Variants in TMEM150C observed in about 807,000 individuals in gnomAD.
The protein encoded by TMEM150C is transmembrane protein 150C.
Under a neutral mutation model 29.9 loss-of-function variants are expected in TMEM150C, and 10 were observed. That is an observed-to-expected ratio of 0.33 (90% CI 0.21 to 0.57). TMEM150C has a LOEUF of 0.57. Ranked by LOEUF, TMEM150C falls within the 20% of genes least tolerant of loss-of-function variation. The pLI, the probability that TMEM150C is intolerant of heterozygous loss-of-function variation, is 0.88. For synonymous variants in TMEM150C, 101 were observed against 112.5 expected (o/e 0.90, Z 0.64); for missense variants, 251 against 303.6 (o/e 0.83, Z 1.29).
At position 82,500,677 on chromosome 4, in the gene TMEM150C, A is replaced by G. The variant is rs990525387; in HGVS notation, c.235+2050T>C. Reference sequence around the variant, plus strand: ...CTTTGCTTTTGGAAATGCTTTTGTAATTAGTCAATCATAAGCCTTATAACT... The same window carrying G: ...CTTTGCTTTTGGAAATGCTTTTGTAGTTAGTCAATCATAAGCCTTATAACT... On this transcript the variant is annotated intron_variant, in intron 5 of 7. Coordinates refer to ENST00000449862, the MANE Select transcript of TMEM150C (RefSeq NM_001080506.3). Among the ~76,000 whole-genome samples, 8 of 152,236 alleles carry G rather than the reference A, an allele frequency of 5.3e-5. No individual in the cohort carries two copies. In the South Asian group the frequency reaches 1.4e-3, roughly 28 times the overall value.
intron 5 of TMEM150C, among the ~76,000 whole-genome samples, chr4:82,497,368 A>C (rs1315211695): frequency 1.3e-5 from 2 of 152,234 alleles, no homozygotes; most frequent in African/African-American, 4.8e-5. Context: ...TACAGCAATT[A>C]AGTTGGTAAT....
chr4:82,496,635 C>A lies in TMEM150C; in HGVS notation c.236-440G>T, dbSNP rs142530360. Among the ~76,000 whole-genome samples, 43 of 152,288 alleles carry A rather than the reference C, an allele frequency of 2.8e-4. No individual in the cohort carries two copies. The East Asian group carries it at 7.9e-3, about 28-fold the overall frequency. On this transcript the variant is annotated intron_variant, in intron 5 of 7. Coordinates refer to ENST00000449862, the MANE Select transcript of TMEM150C (RefSeq NM_001080506.3). ...CACAACAAATAAGATGGGATAAAGA[C>A]AGACCGACTCAGGCATCCTTTAGCT...
At chr4:82,515,233 G>A (rs557302544) in intron 1 of TMEM150C, among the ~76,000 whole-genome samples, 1 of 152,284 alleles carries the variant, frequency 6.6e-6, no homozygotes, top group African/African-American at 2.4e-5. Context: ...CAGGGAATGG[G>A]TTCCTCACTT....
chr4:82,485,777 T>G, intron 7 of TMEM150C, 58 bp from the exon 8 acceptor site: 1 of 1,473,074 alleles, frequency 6.8e-7, no homozygotes, highest in African/African-American at 1.4e-5. Context: ...CTGGAATCTT[T>G]TCAGGGCAGA....
intron 6 of TMEM150C, chr4:82,495,017 C>G: frequency 9.6e-7 from 1 of 1,036,544 alleles, no homozygotes; most frequent in Non-Finnish European, 1.4e-6. Context: ...GAGCAATAGG[C>G]TGCTGTTTGT....
At chr4:82,499,450 G>C (rs959258594) in intron 5 of TMEM150C, among the ~76,000 whole-genome samples, 1 of 151,978 alleles carries the variant, frequency 6.6e-6, no homozygotes, top group Non-Finnish European at 1.5e-5. Flanking sequence ...GGCCGGGCGC[G>C]GTGGCTCATG....
rs749263714 is a variant in TMEM150C at position 82,504,686 on chromosome 4, G to C, written c.-10-19C>G. The stretch of plus-strand genomic sequence containing the variant: ...TGTACCACTGAAATAAAATAAACAC[G>C]TATTAATAATTAAGGCAAAACATTT... On this transcript the variant is annotated intron_variant, in intron 1 of 7. Transcript: ENST00000449862. The C allele has an allele frequency of 6.3e-7, 1 of 1,583,562 alleles. No individual in the cohort carries two copies. The highest frequency in any genetic ancestry group is 1.7e-5 in the Admixed American group (1 of 59,210).
chr4:82,534,504 TA>T, intron 1 of TMEM150C, among the ~76,000 whole-genome samples: 1 of 152,312 alleles, frequency 6.6e-6, no homozygotes, highest in East Asian at 1.9e-4. Flanking sequence ...AAAACTTTGC[TA>T]AAAGATAAAA....
At chr4:82,491,158 C>T (rs1348479923) in intron 6 of TMEM150C, 4 of 701,240 alleles carry the variant, frequency 5.7e-6, no homozygotes, top group African/African-American at 1.7e-5. Context: ...TGTGCAATCA[C>T]CACCAGCTGA....
intron 7 of TMEM150C, among the ~76,000 whole-genome samples, chr4:82,488,354 G>C (rs184024662): frequency 5.8e-4 from 88 of 152,302 alleles, no homozygotes; most frequent in Non-Finnish European, 1.0e-3. Context: ...GATCCACCAC[G>C]CATTATCTGT....
chr4:82,530,784 G>A (rs1245650315), intron 1 of TMEM150C, among the ~76,000 whole-genome samples: 1 of 152,206 alleles, frequency 6.6e-6, no homozygotes, highest in East Asian at 1.9e-4. Context: ...TCTGCAGGCT[G>A]TACAGGAAGC....
At position 82,484,665 on chromosome 4, in the gene TMEM150C, G is replaced by C. The variant is rs1403153199; in HGVS notation, c.*846C>G. 6.6e-6 allele frequency: 1 copy of C among 152,158 alleles called. No homozygotes were observed. The highest frequency in any genetic ancestry group is 1.5e-5 in the Non-Finnish European group (1 of 68,034). 9.4% of individuals were successfully genotyped at this position (152,158 alleles called of 1,614,324 possible). A position where few individuals can be genotyped will look rare whatever the true frequency, so the allele number is the denominator to read the frequency against. ...TGAACCCAAAGCAAGCTCAGCTCTT[G>C]CATTTGGTCTACATCTTTGTCCATG... On this transcript the variant is annotated 3_prime_UTR_variant, in exon 8 of 8. Transcript: ENST00000449862.
At chr4:82,487,092 G>GA (rs201474285) in intron 7 of TMEM150C, among the ~76,000 whole-genome samples, 9 of 148,002 alleles carry the variant, frequency 6.1e-5, no homozygotes, top group East Asian at 5.9e-4. Context: ...GAGAACCAAA[G>GA]AAAAAAAAAA....
chr4:82,496,151 C>A lies in TMEM150C; in HGVS notation c.280G>T (p.Val94Phe). The change falls in exon 6 of 8, where the codon GTT becomes TTT. Residue 94 changes from valine (V) to phenylalanine (F), a missense_variant. By Grantham distance (50) the Val-to-Phe change is conservative (BLOSUM62 -1). Transcript: ENST00000449862. ...CTAATATTCAGCCACGGGTTTAAAA[C>A]CTTCGGTTTCAGTTGTATGAAGCGC... ...VLRFIQLKPKVLNPWLNISGL... is the reference protein window; with the variant it reads ...VLRFIQLKPKFLNPWLNISGL... 1.2e-6 allele frequency: 2 copies of A among 1,613,950 alleles called. No homozygotes were observed. Among genetic ancestry groups the A allele is most frequent in the Non-Finnish European group, 1.7e-6 (2 of 1,179,876 alleles).
chr4:82,500,940 G>A (rs1031477118), intron 5 of TMEM150C, among the ~76,000 whole-genome samples: 2 of 152,168 alleles, frequency 1.3e-5, no homozygotes, highest in African/African-American at 2.4e-5. Flanking sequence ...ATTGTTCCTG[G>A]AATAGAAATG....
At chr4:82,495,737 T>C (rs1235433024) in intron 6 of TMEM150C, 2 of 327,438 alleles carry the variant, frequency 6.1e-6, no homozygotes, top group East Asian at 1.4e-4. Context: ...TTCCCACCAC[T>C]GATTCGGACC....
rs202051449 is a variant in TMEM150C at position 82,483,788 on chromosome 4, C to CTTTTTTTT, written c.*1722_*1723insAAAAAAAA. ...TTGGGTTGAATTAAAAAACGTTTTT[C>CTTTTTTTT]TTTTTTTCTTTTTTTTTTGAGATGG... On this transcript the variant is annotated 3_prime_UTR_variant, in exon 8 of 8. Transcript: ENST00000449862. 1 of 138,088 alleles carries CTTTTTTTT rather than the reference C, an allele frequency of 7.2e-6. No homozygotes were observed. Among genetic ancestry groups the CTTTTTTTT allele is most frequent in the African/African-American group, 2.8e-5 (1 of 35,646 alleles). 8.6% of individuals were successfully genotyped at this position (138,088 alleles called of 1,614,324 possible). A position where few individuals can be genotyped will look rare whatever the true frequency, so the allele number is the denominator to read the frequency against.
chr4:82,557,945 C>A (rs1283144561), intron 1 of TMEM150C, among the ~76,000 whole-genome samples: 1 of 151,846 alleles, frequency 6.6e-6, no homozygotes, highest in African/African-American at 2.4e-5. Flanking sequence ...ATTGGCCGGG[C>A]TGGTCTCAAA....
intron 6 of TMEM150C, chr4:82,490,967 C>T: frequency 1.4e-6 from 1 of 732,946 alleles, no homozygotes; most frequent in Non-Finnish European, 2.5e-6. Context: ...TGATAGCTTC[C>T]ACCCGCTTAG....
Sources: allele counts gnomAD v4.1 joint callset (sites outside exome capture counted in the v4.1 genomes callset), GRCh38; gene constraint gnomAD v4.1.1; transcripts MANE v1.5; gene names NCBI Gene and HGNC (gene_info 2026-07-23, HGNC 2026-07-21).